Variants in PLCB1 observed in about 807,000 individuals in gnomAD.
PLCB1 encodes phospholipase C beta 1.
PLCB1 carries 46 observed loss-of-function variants against 161.8 expected under a neutral mutation model. The observed-to-expected ratio is 0.28, with a 90% confidence interval of 0.22 to 0.36. PLCB1 has a LOEUF of 0.36. Among genes scored for constraint, PLCB1 ranks in the 10% least tolerant of loss-of-function variants. PLCB1 has a pLI of 1.00. For synonymous variants in PLCB1, 517 were observed against 503.7 expected, an observed-to-expected ratio of 1.03 and a Z score of -0.35; for missense variants, 1,016 against 1,472.5, an observed-to-expected ratio of 0.69 and a Z score of 5.07.
intron 2 of PLCB1, among the ~76,000 whole-genome samples, chr20:8,348,738 T>C (rs1419119049): frequency 1.3e-5 from 2 of 152,238 alleles, no homozygotes; most frequent in Non-Finnish European, 2.9e-5. Context: ...GAGCTTAAAC[T>C]TAACTCATAC....
At chr20:8,330,029 C>T (rs919344134) in intron 2 of PLCB1, among the ~76,000 whole-genome samples, 1 of 152,150 alleles carries the variant, frequency 6.6e-6, no homozygotes, top group African/African-American at 2.4e-5. Flanking sequence ...AGACGGTGTT[C>T]AAGAATAATT....
chr20:8,657,947 A>T (rs996168971), intron 8 of PLCB1, among the ~76,000 whole-genome samples: 1 of 152,132 alleles, frequency 6.6e-6, no homozygotes, highest in African/African-American at 2.4e-5. Context: ...ATGACATTGC[A>T]TATTCTTGCT....
chr20:8,284,185 A>G (rs1983007032), intron 2 of PLCB1, among the ~76,000 whole-genome samples: 2 of 152,006 alleles, frequency 1.3e-5, no homozygotes, highest in African/African-American at 4.8e-5. Context: ...TCTTTTAACT[A>G]GGTCTCCCCC....
chr20:8,382,693 C>T (rs1285304611), intron 3 of PLCB1, among the ~76,000 whole-genome samples: 1 of 151,318 alleles, frequency 6.6e-6, no homozygotes, highest in Non-Finnish European at 1.5e-5. Context: ...TGACTACAGG[C>T]ACCTGCCACC....
At chr20:8,655,419 A>T (rs929440308) in intron 7 of PLCB1, among the ~76,000 whole-genome samples, 6 of 152,128 alleles carry the variant, frequency 3.9e-5, no homozygotes, top group East Asian at 1.9e-4. Flanking sequence ...TCTGCAGATT[A>T]GCAAAGACTA....
rs542133159 is a variant in PLCB1 at position 8,164,888 on chromosome 20, C to G, written c.177+14517C>G. Among the ~76,000 whole-genome samples the G allele has an allele frequency of 1.3e-3, 203 of 152,250 alleles. 1 individual carries two copies. The highest frequency in any genetic ancestry group is 4.6e-3 in the African/African-American group (192 of 41,532). On this transcript the variant is annotated intron_variant, in intron 2 of 31. Coordinates refer to ENST00000338037, the MANE Select transcript of PLCB1 (RefSeq NM_015192.4). ...AATCAATCCCCTTCATAGGCTATGC[C>G]AGTTTAAGATAGAGTGTTTGTCCCT... is the stretch of plus-strand genomic sequence containing the variant.
At chr20:8,686,795 C>T (rs1170002907) in intron 10 of PLCB1, among the ~76,000 whole-genome samples, 1 of 152,108 alleles carries the variant, frequency 6.6e-6, no homozygotes. Flanking sequence ...ACATAGAGAT[C>T]TTCCAGACTC....
chr20:8,536,745 A>G (rs1985067201), intron 3 of PLCB1, among the ~76,000 whole-genome samples: 2 of 152,204 alleles, frequency 1.3e-5, no homozygotes, highest in Admixed American at 6.5e-5. Flanking sequence ...TCGAGAACTG[A>G]GAGAGAATCC....
intron 3 of PLCB1, among the ~76,000 whole-genome samples, chr20:8,581,863 A>G (rs1986844380): frequency 6.6e-6 from 1 of 152,210 alleles, no homozygotes; most frequent in Admixed American, 6.5e-5. Flanking sequence ...AAATGAATCC[A>G]AATTGGCCAG....
chr20:8,139,597 T>G (rs2123010091), intron 1 of PLCB1, among the ~76,000 whole-genome samples: 1 of 152,312 alleles, frequency 6.6e-6, no homozygotes, highest in African/African-American at 2.4e-5. Context: ...ACATTTTTTT[T>G]GGAAGTTGTC....
chr20:8,401,324 C>T (rs770253043), intron 3 of PLCB1, among the ~76,000 whole-genome samples: 5 of 152,140 alleles, frequency 3.3e-5, no homozygotes, highest in Non-Finnish European at 4.4e-5. Context: ...TATTGCCTTC[C>T]AGAATTATGT....
intron 2 of PLCB1, among the ~76,000 whole-genome samples, chr20:8,171,113 C>T (rs2123068824): frequency 6.6e-6 from 1 of 152,214 alleles, no homozygotes; most frequent in Non-Finnish European, 1.5e-5. Context: ...GAGTTTATGA[C>T]ACATGCTCTG....
In PLCB1 at chr20:8,199,563, C is replaced by T. The variant is rs889551506; in HGVS notation, c.177+49192C>T. Among the ~76,000 whole-genome samples the T allele has an allele frequency of 2.0e-5, 3 of 151,768 alleles. No homozygotes were observed. In the East Asian group the frequency reaches 5.8e-4, roughly 29 times the overall value. On this transcript the variant is annotated intron_variant, in intron 2 of 31. Transcript: ENST00000338037. ...AGCCTCCTTGCCTAAGTTATTTTTC[C>T]TATTATTTCAACCTTATTTGGTGAT...
intron 3 of PLCB1, among the ~76,000 whole-genome samples, chr20:8,389,814 G>T (rs933617956): frequency 1.3e-5 from 2 of 152,012 alleles, no homozygotes; most frequent in African/African-American, 4.8e-5. Flanking sequence ...TGATGTGCAG[G>T]CCACACCCCA....
chr20:8,377,222 T>C (rs192019413), intron 3 of PLCB1, among the ~76,000 whole-genome samples: 2 of 151,914 alleles, frequency 1.3e-5, no homozygotes, highest in East Asian at 1.9e-4. Flanking sequence ...AGAGCCATAG[T>C]GGGGAAAGGT....
intron 3 of PLCB1, among the ~76,000 whole-genome samples, chr20:8,397,592 C>T (rs1987804727): frequency 1.3e-5 from 2 of 152,054 alleles, no homozygotes; most frequent in African/African-American, 4.8e-5. Context: ...CAAACCCATA[C>T]CTAGCTACCC....
chr20:8,788,725 A>G lies in PLCB1; in HGVS notation c.3278+3A>G, dbSNP rs1983609250. On this transcript the variant is annotated splice_donor_region_variant and intron_variant, in intron 29 of 31. Transcript: ENST00000338037. The stretch of plus-strand genomic sequence containing the variant: ...AAAGACAAAAGTCAGATGGAAGAGT[A>G]AGTCAAAAGTGTCCCCTCTCCCAAA... The G allele has an allele frequency of 6.3e-7, 1 of 1,576,884 alleles. No homozygotes were observed. The highest frequency in any genetic ancestry group is 8.7e-7 in the Non-Finnish European group (1 of 1,150,166).
intron 2 of PLCB1, among the ~76,000 whole-genome samples, chr20:8,154,227 C>T (rs543310175): frequency 6.6e-6 from 1 of 152,272 alleles, no homozygotes; most frequent in East Asian, 1.9e-4. Flanking sequence ...GTGTCTATAT[C>T]ATTCCGTTAA....
intron 14 of PLCB1, among the ~76,000 whole-genome samples, chr20:8,720,977 A>G (rs1979600468): frequency 1.3e-5 from 2 of 152,220 alleles, no homozygotes; most frequent in Non-Finnish European, 2.9e-5. Context: ...TATCCAAAAT[A>G]TAATCGATTC....
Sources: allele counts gnomAD v4.1 joint callset (sites outside exome capture counted in the v4.1 genomes callset), GRCh38; gene constraint gnomAD v4.1.1; transcripts MANE v1.5; gene names NCBI Gene and HGNC (gene_info 2026-07-23, HGNC 2026-07-21).